The following RAD51 variants were observed in gnomAD, a reference collection of about 807,000 sequenced individuals.
RAD51 encodes the protein DNA repair protein RAD51 homolog 1.
A neutral mutation model predicts 41.5 loss-of-function variants in RAD51; 14 were observed. The ratio of observed to expected loss-of-function variants is 0.34; its 90% CI spans 0.22 to 0.53. RAD51 has a LOEUF of 0.53. RAD51 is among the 20% of genes least tolerant of loss of function. The pLI is 0.95. For missense variants in RAD51, 234 were observed against 422.0 expected (o/e 0.55, Z 3.90); for synonymous variants, 136 against 148.6 (o/e 0.92, Z 0.62).
chr15:40,705,559 A>G (rs1178031337), intron 3 of RAD51, among the ~76,000 whole-genome samples: 1 of 152,108 alleles, frequency 6.6e-6, no homozygotes, highest in African/African-American at 2.4e-5. Flanking sequence ...TTTTGTCATA[A>G]ATTGGGCAAA....
intron 6 of RAD51, among the ~76,000 whole-genome samples, chr15:40,725,511 T>C (rs534303040): frequency 2.0e-5 from 3 of 152,334 alleles, no homozygotes; most frequent in South Asian, 2.1e-4. Context: ...ATTTTTGCCG[T>C]GCCCTGTTGA....
intron 6 of RAD51, among the ~76,000 whole-genome samples, chr15:40,726,060 C>T (rs45471696): frequency 6.6e-6 from 1 of 151,974 alleles, no homozygotes; most frequent in Non-Finnish European, 1.5e-5. Context: ...AAAACCATGA[C>T]CACAATTGCT....
At chr15:40,730,435 T>A (rs1255539634) in intron 9 of RAD51, among the ~76,000 whole-genome samples, 1 of 151,728 alleles carries the variant, frequency 6.6e-6, no homozygotes, top group Non-Finnish European at 1.5e-5. Flanking sequence ...GCATAGGAAT[T>A]CGAGGCTGTA....
In RAD51 at chr15:40,728,807, C is replaced by T. The variant is rs766971181; in HGVS notation, c.627C>T (p.Ala209=). Residue 209 remains alanine (A), a synonymous_variant, in exon 7 of 10, where the codon GCC becomes GCT. Coordinates refer to ENST00000267868, the MANE Select transcript of RAD51 (RefSeq NM_002875.5). ...HQTQLLYQAS[A]MMVESRYALL... is the part of the protein sequence containing the mutation. Reference sequence around the variant, plus strand: ...CCCAGCTCCTTTATCAAGCATCAGCCATGATGGTAGAATCTAGGTATGTGT... The same window carrying T: ...CCCAGCTCCTTTATCAAGCATCAGCTATGATGGTAGAATCTAGGTATGTGT... 5.0e-6 allele frequency: 8 copies of T among 1,612,828 alleles called. No individual in the cohort carries two copies. Among genetic ancestry groups the T allele is most frequent in the South Asian group, 2.2e-5 (2 of 91,058 alleles).
At chr15:40,698,981 A>G (rs370703952) in intron 2 of RAD51, 136 bp downstream of exon 2, 13 of 839,008 alleles carry the variant, frequency 1.5e-5, no homozygotes, top group African/African-American at 5.1e-5. Context: ...AGTGTTGTCA[A>G]TAATCCTGTG....
At chr15:40,719,463 G>A (rs1010701789) in intron 6 of RAD51, among the ~76,000 whole-genome samples, 5 of 152,084 alleles carry the variant, frequency 3.3e-5, no homozygotes, top group Non-Finnish European at 5.9e-5. Context: ...AAAGAATGGA[G>A]AAAGATATTG....
rs745961392 is a variant in RAD51, at chr15:40,728,714, T to C, written c.534T>C (p.Tyr178=). 6.2e-7 allele frequency: 1 copy of C among 1,613,554 alleles called. No individual in the cohort carries two copies. The change falls in exon 7 of 10, where the codon TAT becomes TAC. Residue 178 remains tyrosine (Y), a synonymous_variant. Coordinates refer to ENST00000267868, the MANE Select transcript of RAD51 (RefSeq NM_002875.5). The part of the protein sequence containing the change: ...PERLLAVAER[Y]GLSGSDVLDN... Reference sequence around the variant, plus strand: ...AATGTTCTCTCCTCTCTCATAGGTATGGTCTCTCTGGCAGTGATGTCCTGG... The same window carrying C: ...AATGTTCTCTCCTCTCTCATAGGTACGGTCTCTCTGGCAGTGATGTCCTGG...
rs538213646 is a variant in RAD51 at position 40,716,942 on chromosome 15, G to A, written c.436-1863G>A. Among the ~76,000 whole-genome samples, 11 of 152,164 alleles carry A rather than the reference G, an allele frequency of 7.2e-5. No homozygotes were observed. In the South Asian group the frequency reaches 2.1e-3, roughly 29 times the overall value. ...CTCCCAAAGTGCTGGGATTACAGGC[G>A]TTAGCCACTGCGCCTGGCCTCCGGC... is the stretch of plus-strand genomic sequence containing the variant. On this transcript the variant is annotated intron_variant, in intron 5 of 9. Transcript: ENST00000267868.
intron 1 of RAD51, among the ~76,000 whole-genome samples, chr15:40,696,077 C>T (rs1034945055): frequency 1.1e-4 from 16 of 152,110 alleles, no homozygotes; most frequent in Admixed American, 2.0e-4. Context: ...GGGGTTTCAC[C>T]ATGTTGGTCA....
chr15:40,726,912 CAAAA>C (rs529781901), intron 6 of RAD51, among the ~76,000 whole-genome samples: 3,817 of 120,586 alleles, frequency 0.032, 161 homozygotes, highest in African/African-American at 0.11. Flanking sequence ...GACTCCGTCT[CAAAA>C]AAAAAAAAAA....
intron 4 of RAD51, among the ~76,000 whole-genome samples, chr15:40,708,011 C>T (rs1444600027): frequency 2.0e-5 from 3 of 147,476 alleles, no homozygotes; most frequent in African/African-American, 7.5e-5. Flanking sequence ...CCACTGTGCC[C>T]AGCTTTTTTT....
At chr15:40,717,878 T>A (rs930946952) in intron 5 of RAD51, among the ~76,000 whole-genome samples, 1 of 152,182 alleles carries the variant, frequency 6.6e-6, no homozygotes, top group African/African-American at 2.4e-5. Flanking sequence ...CTAAGGTAAA[T>A]GGTCTTCCAA....
Position 40,715,138 on chromosome 15 carries a change from A to G in RAD51, c.436-3667A>G, listed in dbSNP as rs45494499. Reference sequence around the variant, plus strand: ...TTTGGGAGGCTGAGGTGGATGGATCACAAGGTCAGGAGTTCAAGAACAGCC... The same window carrying G: ...TTTGGGAGGCTGAGGTGGATGGATCGCAAGGTCAGGAGTTCAAGAACAGCC... On this transcript the variant is annotated intron_variant, in intron 5 of 9. Coordinates refer to ENST00000267868, the MANE Select transcript of RAD51 (RefSeq NM_002875.5). Among the ~76,000 whole-genome samples the G allele has an allele frequency of 2.3e-4, 35 of 152,308 alleles. 1 individual carries two copies. In the East Asian group the frequency reaches 6.7e-3, roughly 29 times the overall value.
chr15:40,700,130 A>G (rs557263708), intron 2 of RAD51, among the ~76,000 whole-genome samples: 1 of 152,254 alleles, frequency 6.6e-6, no homozygotes, highest in South Asian at 2.1e-4. Context: ...TTGGCAAACT[A>G]ATCTCTCCCC....
At chr15:40,718,923 G>C in intron 6 of RAD51, 24 bp downstream of exon 6, 1 of 1,561,730 alleles carries the variant, frequency 6.4e-7, no homozygotes, top group Non-Finnish European at 8.8e-7. Flanking sequence ...TTAGATAAGA[G>C]AGACTATGGC....
intron 5 of RAD51, among the ~76,000 whole-genome samples, chr15:40,711,162 A>G (rs1403211414): frequency 6.6e-6 from 1 of 152,200 alleles, no homozygotes; most frequent in Non-Finnish European, 1.5e-5. Flanking sequence ...TGGGAAGCCA[A>G]AGTGGGAGGA....
rs1030482825 is a variant in RAD51, at chr15:40,731,398, C to T, written c.*220C>T. On this transcript the variant is annotated 3_prime_UTR_variant, in exon 10 of 10. Transcript: ENST00000267868. The stretch of plus-strand genomic sequence containing the variant: ...TTTATTCCTTCTGTAGTGTATTAAT[C>T]TCTGTGTGTTTTCTTTGGTTTTGGA... 1.9e-5 allele frequency: 11 copies of T among 568,542 alleles called. No individual in the cohort carries two copies. The highest frequency in any genetic ancestry group is 2.7e-5 in the Non-Finnish European group (9 of 327,314). 35.2% of individuals were successfully genotyped at this position (568,542 alleles called of 1,614,324 possible). A position where few individuals can be genotyped will look rare whatever the true frequency, so the allele number is the denominator to read the frequency against.
At chr15:40,715,370 A>G (rs28485913) in intron 5 of RAD51, among the ~76,000 whole-genome samples, 1 of 151,816 alleles carries the variant, frequency 6.6e-6, no homozygotes, top group African/African-American at 2.4e-5. Context: ...AAAACCAAAA[A>G]CCAAAAAACC....
chr15:40,704,106 C>T (rs1337437210), intron 3 of RAD51, among the ~76,000 whole-genome samples: 1 of 151,666 alleles, frequency 6.6e-6, no homozygotes, highest in African/African-American at 2.4e-5. Flanking sequence ...ACGGAGTCTC[C>T]CTCTGTGCCC....
Sources: allele counts gnomAD v4.1 joint callset (sites outside exome capture counted in the v4.1 genomes callset), GRCh38; gene constraint gnomAD v4.1.1; transcripts MANE v1.5; gene names NCBI Gene and HGNC (gene_info 2026-07-23, HGNC 2026-07-21).